The following GPATCH1 variants were observed in gnomAD, a reference collection of about 807,000 sequenced individuals.
GPATCH1 encodes the protein G-patch domain containing 1.
Under a neutral mutation model 114.9 loss-of-function variants are expected in GPATCH1, and 73 were observed. That is an observed-to-expected ratio of 0.64 (90% CI 0.53 to 0.77). GPATCH1 has a LOEUF of 0.77. Among genes scored for constraint, GPATCH1 ranks in the 30% least tolerant of loss-of-function variants. GPATCH1 has a pLI of 0.00. For missense variants in GPATCH1, 1,058 were observed against 1,144.3 expected, an observed-to-expected ratio of 0.92 and a Z score of 1.09; for synonymous variants, 391 against 428.4, an observed-to-expected ratio of 0.91 and a Z score of 1.08.
chr19:33,111,401 A>G (rs1380160953), intron 11 of GPATCH1, among the ~76,000 whole-genome samples: 1 of 150,988 alleles, frequency 6.6e-6, no homozygotes, highest in Non-Finnish European at 1.5e-5. Flanking sequence ...AAAAAAAAAA[A>G]AAAAAGAGAG....
intron 9 of GPATCH1, among the ~76,000 whole-genome samples, 190 bp from the exon 10 acceptor site, chr19:33,106,505 T>C (rs1186765559): frequency 1.3e-5 from 2 of 152,116 alleles, no homozygotes; most frequent in Non-Finnish European, 2.9e-5. Context: ...ACGGTGGCTC[T>C]TGTGACCCTC....
intron 17 of GPATCH1, 88 bp downstream of exon 17, chr19:33,119,205 A>G: frequency 1.6e-6 from 1 of 611,120 alleles, no homozygotes; most frequent in African/African-American, 1.9e-5. Flanking sequence ...CCGACCAAAC[A>G]TACGTGCTTG....
chr19:33,100,793 T>C (rs1282938594), intron 8 of GPATCH1, among the ~76,000 whole-genome samples: 2 of 151,566 alleles, frequency 1.3e-5, no homozygotes, highest in African/African-American at 4.9e-5. Context: ...TTTTTTTTTT[T>C]CAGAAGGGGC....
chr19:33,091,874 T>C (rs1972600116), intron 3 of GPATCH1, among the ~76,000 whole-genome samples: 1 of 152,158 alleles, frequency 6.6e-6, no homozygotes, highest in Admixed American at 6.6e-5. Context: ...ACATATCTCA[T>C]GTAGCAAGAA....
At chr19:33,127,532 A>G (rs556398871) in intron 19 of GPATCH1, among the ~76,000 whole-genome samples, 95 of 151,844 alleles carry the variant, frequency 6.3e-4, no homozygotes, top group African/African-American at 2.0e-3. Flanking sequence ...AAAAAAAAAA[A>G]AAAAGAAAAG....
At chr19:33,102,027 C>CAA (rs563794335) in intron 9 of GPATCH1, among the ~76,000 whole-genome samples, 13,162 of 92,022 alleles carry the variant, frequency 0.14, 781 homozygotes, top group Middle Eastern at 0.26. Context: ...AACTCTGTCT[C>CAA]AAAAAAAAAA....
chr19:33,105,757 T>G (rs554878853), intron 9 of GPATCH1, among the ~76,000 whole-genome samples: 1 of 150,808 alleles, frequency 6.6e-6, no homozygotes, highest in African/African-American at 2.4e-5. Flanking sequence ...CTCTTGACCT[T>G]AAGTGATCTG....
At chr19:33,121,565 C>T (rs140103175) in intron 17 of GPATCH1, among the ~76,000 whole-genome samples, 121 of 152,142 alleles carry the variant, frequency 8.0e-4, no homozygotes, top group Non-Finnish European at 1.4e-3. Context: ...GTGATCTGCC[C>T]GCCTCAGCCT....
At chr19:33,098,006 A>G in intron 8 of GPATCH1, 104 bp downstream of exon 8, 1 of 1,058,670 alleles carries the variant, frequency 9.4e-7, no homozygotes, top group Non-Finnish European at 1.4e-6. Context: ...TTGTTGGTCA[A>G]AGTCACGGTA....
At position 33,114,364 on chromosome 19, in the gene GPATCH1, C is replaced by T. The variant is rs1051488264; in HGVS notation, c.2141C>T (p.Ser714Phe). 6.2e-7 allele frequency: 1 copy of T among 1,611,592 alleles called. No individual in the cohort carries two copies. Among genetic ancestry groups the T allele is most frequent in the Non-Finnish European group, 8.5e-7 (1 of 1,179,214 alleles). Residue 714 changes from serine (S) to phenylalanine (F), a missense_variant, in exon 15 of 20, where the codon TCC becomes TTC. Physicochemically the swap from Ser to Phe is radical, Grantham distance 155 (BLOSUM62 -2). Coordinates refer to ENST00000170564, the MANE Select transcript of GPATCH1 (RefSeq NM_018025.3). ...AAAGCCGAGCCACCTAAACAACAGT[C>T]CAGCCCCTTAGTAAACAAAGAGGAA... Reference protein sequence around the residue: ...RSKAEPPKQQSSPLVNKEEEH... With the variant: ...RSKAEPPKQQFSPLVNKEEEH...
intron 15 of GPATCH1, 111 bp from the exon 16 acceptor site, chr19:33,117,714 A>G: frequency 2.7e-6 from 2 of 750,930 alleles, no homozygotes; most frequent in Non-Finnish European, 4.7e-6. Flanking sequence ...ATGGATACCC[A>G]TGTACATGAG....
intron 18 of GPATCH1, among the ~76,000 whole-genome samples, chr19:33,125,804 TA>T (rs1973035035): frequency 6.6e-6 from 1 of 152,220 alleles, no homozygotes. Flanking sequence ...GTGAAGGTAT[TA>T]TTTTCAGCAT....
rs1972586266 is a variant in GPATCH1, at chr19:33,090,831, C to A, written c.260C>A (p.Ser87Tyr). 5.6e-6 allele frequency: 9 copies of A among 1,613,390 alleles called. No individual in the cohort carries two copies. The highest frequency in any genetic ancestry group is 7.6e-6 in the Non-Finnish European group (9 of 1,179,414). ...TCACGACAGAACAGAGCAGACAAAT[C>A]TGTTCTTGGTCCTGAAGATTTTATG... Reference protein sequence around the residue: ...VSSRQNRADKSVLGPEDFMDE... With the variant: ...VSSRQNRADKYVLGPEDFMDE... Residue 87 changes from serine to tyrosine, a missense_variant, in exon 3 of 20, where the codon TCT (serine) becomes TAT (tyrosine). Coordinates refer to ENST00000170564, the MANE Select transcript of GPATCH1 (RefSeq NM_018025.3).
chr19:33,129,108 G>A (rs776475210), intron 19 of GPATCH1, among the ~76,000 whole-genome samples: 95 of 152,018 alleles, frequency 6.2e-4, no homozygotes, highest in Non-Finnish European at 1.1e-3. Context: ...CTAGCCAGGC[G>A]TGGTGGCACG....
At chr19:33,117,749 G>C in intron 15 of GPATCH1, 76 bp from the exon 16 acceptor site, 1 of 980,792 alleles carries the variant, frequency 1.0e-6, no homozygotes, top group East Asian at 2.4e-5. Flanking sequence ...TGTGTGTCTG[G>C]GAGTGTATTC....
Position 33,106,900 on chromosome 19 carries a change from G to A in GPATCH1, c.1285+1G>A, listed in dbSNP as rs1334698208. The A allele has an allele frequency of 2.5e-6, 4 of 1,605,960 alleles. No homozygotes were observed. Among genetic ancestry groups the A allele is most frequent in the Admixed American group, 3.3e-5 (2 of 59,918 alleles). Reference sequence around the variant, plus strand: ...TTGCTTGGAGAGACGCCTATTCAAGGTATGTGCCATGGAGAAGACGGAAAT... The same window carrying A: ...TTGCTTGGAGAGACGCCTATTCAAGATATGTGCCATGGAGAAGACGGAAAT... On this transcript the variant is annotated splice_donor_variant, in intron 10 of 19. Coordinates refer to ENST00000170564, the MANE Select transcript of GPATCH1 (RefSeq NM_018025.3). LOFTEE classifies it high-confidence loss of function.
intron 9 of GPATCH1, among the ~76,000 whole-genome samples, chr19:33,104,861 A>G (rs901080011): frequency 1.3e-5 from 2 of 152,188 alleles, no homozygotes; most frequent in Non-Finnish European, 2.9e-5. Flanking sequence ...TCTAGAAAAT[A>G]GCTTAAATAA....
chr19:33,096,058 A>C (rs1356388095), intron 6 of GPATCH1, 149 bp from the exon 7 acceptor site: 1 of 853,776 alleles, frequency 1.2e-6, no homozygotes, highest in East Asian at 2.5e-5. Flanking sequence ...CCTTTGTGCC[A>C]GAAAGTGATT....
rs915681581 is a variant in GPATCH1, at chr19:33,112,523, A to T, written c.1802A>T (p.Lys601Met). Residue 601 changes from lysine (K) to methionine (M), a missense_variant, in exon 13 of 20, where the codon AAG becomes ATG. Transcript: ENST00000170564. ...VGDKQSAVKM[K>M]MFGKLTRDTF... ...GATAAGCAGTCGGCTGTGAAGATGA[A>T]GATGTTTGGGAAGCTCACCCGAGAC... 2.0e-5 allele frequency: 33 copies of T among 1,613,930 alleles called. No homozygotes were observed. In the African/African-American group the frequency reaches 4.4e-4, roughly 22 times the overall value.
Sources: gnomAD v4.1 joint callset for allele counts (sites outside exome capture counted in the v4.1 genomes callset) on GRCh38, gnomAD v4.1.1 for gene constraint, MANE v1.5 for transcripts, NCBI Gene and HGNC (gene_info 2026-07-23, HGNC 2026-07-21) for gene names.